Variants in NSDHL observed in about 807,000 individuals in gnomAD.
The protein encoded by NSDHL is NAD(P) dependent 3-beta-hydroxysteroid dehydrogenase NSDHL.
In NSDHL, 1 loss-of-function variant was observed where a neutral mutation model predicts 23.0. That is an observed-to-expected ratio of 0.04 (90% CI 0.02 to 0.21). The LOEUF (loss-of-function observed/expected upper bound fraction) is 0.21. Ranked by LOEUF, NSDHL falls within the 10% of genes least tolerant of loss-of-function variation. The pLI is 1.00. For synonymous variants in NSDHL, 128 were observed against 121.1 expected, an observed-to-expected ratio of 1.06 and a Z score of -0.37; for missense variants, 237 against 300.9, an observed-to-expected ratio of 0.79 and a Z score of 1.57.
At chrX:152,842,750 C>T (rs1556845060) in intron 1 of NSDHL, among the ~76,000 whole-genome samples, 1 of 112,197 alleles carries the variant, frequency 8.9e-6, no homozygotes, top group African/African-American at 3.2e-5. Flanking sequence ...GTTTCACCTG[C>T]CTCGGCCTCC....
At chrX:152,866,040 A>T in intron 6 of NSDHL, 79 bp downstream of exon 6, 1 of 1,061,350 alleles carries the variant, frequency 9.4e-7, no homozygotes, top group Non-Finnish European at 1.3e-6. Context: ...CAGGAGCCAC[A>T]TGGCATTGTA....
rs781939679 is a variant in NSDHL at position 152,867,555 on chromosome X, C to T, written c.687-16C>T. On this transcript the variant is annotated splice_polypyrimidine_tract_variant and intron_variant, in intron 6 of 7. Transcript: ENST00000370274. ...GGCTCCCAGCACGTATTCCATCATC[C>T]CTTGTGCACCTGCAGAAATGGGAAG... The T allele has an allele frequency of 3.6e-5, 41 of 1,137,859 alleles. No homozygotes were observed. In the Admixed American group the frequency reaches 6.8e-4, roughly 19 times the overall value. 93.8% of individuals were successfully genotyped at this position (1,137,859 alleles called of 1,213,427 possible). A position where few individuals can be genotyped will look rare whatever the true frequency, so the allele number is the denominator to read the frequency against.
chrX:152,860,570 A>C (rs1556847426), intron 4 of NSDHL, among the ~76,000 whole-genome samples: 1 of 111,249 alleles, frequency 9.0e-6, no homozygotes, highest in African/African-American at 3.3e-5. Flanking sequence ...TTTAAAAGCC[A>C]GGTGTGGTGG....
At chrX:152,865,787 A>G in intron 5 of NSDHL, 32 bp from the exon 6 acceptor site, 1 of 1,211,616 alleles carries the variant, frequency 8.3e-7, no homozygotes, top group Non-Finnish European at 1.1e-6. Flanking sequence ...GGAATTTGCA[A>G]TGGACGTGCC....
intron 1 of NSDHL, among the ~76,000 whole-genome samples, chrX:152,840,516 T>C (rs1933173240): frequency 8.9e-6 from 1 of 112,514 alleles, no homozygotes; most frequent in African/African-American, 3.2e-5. Flanking sequence ...TTGATGTTGA[T>C]GCTATTCCTT....
chrX:152,837,853 A>G (rs1178731641), intron 1 of NSDHL, among the ~76,000 whole-genome samples: 7 of 111,975 alleles, frequency 6.3e-5, no homozygotes, highest in Admixed American at 2.8e-4. Flanking sequence ...ATTGAGTGGA[A>G]TAGTTTCAGA....
Position 152,868,971 on chromosome X carries a change from C to A in NSDHL, c.977C>A (p.Pro326His). ...PVIQLQPTFTPMRVALAGTFH... is the reference protein window; with the variant it reads ...PVIQLQPTFTHMRVALAGTFH... Reference sequence around the variant, plus strand: ...ATCCAGCTGCAGCCCACCTTCACACCCATGCGGGTCGCACTGGCTGGCACA... The same window carrying A: ...ATCCAGCTGCAGCCCACCTTCACACACATGCGGGTCGCACTGGCTGGCACA... The change falls in exon 8 of 8, where the codon CCC (proline) becomes CAC (histidine). Residue 326 changes from proline to histidine, a missense_variant. By Grantham distance (77) the Pro-to-His change is moderately conservative (BLOSUM62 -2). Around this residue, in one of 3 missense-constraint regions of NSDHL, gnomAD observed 117 missense variants for 99.5 expected, o/e 1.18. Coordinates refer to ENST00000370274, the MANE Select transcript of NSDHL (RefSeq NM_015922.3). The A allele has an allele frequency of 1.7e-6, 2 of 1,211,933 alleles. No homozygotes were observed. Among genetic ancestry groups the A allele is most frequent in the Non-Finnish European group, 2.2e-6 (2 of 895,516 alleles).
chrX:152,836,307 T>C (rs1239528890), intron 1 of NSDHL, among the ~76,000 whole-genome samples: 8 of 112,428 alleles, frequency 7.1e-5, no homozygotes, highest in African/African-American at 1.3e-4. Flanking sequence ...TTTAGTTTAA[T>C]TACATCCCAT....
chrX:152,832,652 C>T (rs1253216129), intron 1 of NSDHL, among the ~76,000 whole-genome samples: 2 of 111,801 alleles, frequency 1.8e-5, no homozygotes, highest in East Asian at 5.6e-4. Context: ...CTTCCCAGTC[C>T]GTCAACCTGC....
In NSDHL at chrX:152,831,100, G is replaced by T; in HGVS notation, c.-61G>T. The T allele has an allele frequency of 3.3e-6, 1 of 304,394 alleles. No individual in the cohort carries two copies. Among genetic ancestry groups the T allele is most frequent in the Non-Finnish European group, 5.7e-6 (1 of 174,152 alleles). 25.1% of individuals were successfully genotyped at this position (304,394 alleles called of 1,213,427 possible). On this transcript the variant is annotated 5_prime_UTR_variant, in exon 1 of 8. Coordinates refer to ENST00000370274, the MANE Select transcript of NSDHL (RefSeq NM_015922.3). ...CTGCTTGCGAGCTGAGGCCAGACAG[G>T]GGGGCGCCTACGGACGGGTAAGAGT... is the stretch of plus-strand genomic sequence containing the variant.
At position 152,866,956 on chromosome X, in the gene NSDHL, C is replaced by T. The variant is rs144641885; in HGVS notation, c.687-615C>T. Among the ~76,000 whole-genome samples the T allele has an allele frequency of 6.8e-3, 764 of 111,558 alleles. 4 individuals carry two copies. The highest frequency in any genetic ancestry group is 0.023 in the Middle Eastern group (5 of 214). ...GACTCAGAGGGAAAGCAATGGGCCC[C>T]GGGTCAAAGGCCAGGGCTTGACTGT... On this transcript the variant is annotated intron_variant, in intron 6 of 7. Transcript: ENST00000370274.
At chrX:152,862,433 T>G in intron 4 of NSDHL, among the ~76,000 whole-genome samples, 163 bp from the exon 5 acceptor site, 1 of 112,924 alleles carries the variant, frequency 8.9e-6, no homozygotes, top group East Asian at 2.8e-4. Flanking sequence ...TGGATTATTT[T>G]AAGAAGGCAT....
At chrX:152,850,957 A>G (rs1933347431) in intron 3 of NSDHL, among the ~76,000 whole-genome samples, 1 of 111,625 alleles carries the variant, frequency 9.0e-6, no homozygotes, top group South Asian at 3.7e-4. Flanking sequence ...CCTGGCCGCC[A>G]CTCATCTACT....
intron 4 of NSDHL, among the ~76,000 whole-genome samples, chrX:152,859,419 A>G (rs1933493765): frequency 9.0e-6 from 1 of 111,233 alleles, no homozygotes; most frequent in African/African-American, 3.3e-5. Context: ...CTACCCTTCT[A>G]CTTTCTGTCT....
intron 4 of NSDHL, among the ~76,000 whole-genome samples, chrX:152,862,238 A>G (rs782629087): frequency 8.9e-6 from 1 of 112,416 alleles, no homozygotes; most frequent in East Asian, 2.8e-4. Flanking sequence ...GCTGCCCTTC[A>G]CTTACAACAG....
intron 3 of NSDHL, among the ~76,000 whole-genome samples, chrX:152,851,804 T>G (rs1243809877): frequency 9.0e-6 from 1 of 111,000 alleles, no homozygotes; most frequent in Non-Finnish European, 1.9e-5. Context: ...TGATTTCAGC[T>G]CCTTTCTGGC....
chrX:152,852,529 C>CTCA (rs59096789), intron 3 of NSDHL, among the ~76,000 whole-genome samples: 3 of 109,994 alleles, frequency 2.7e-5, no homozygotes, highest in African/African-American at 9.9e-5. Context: ...AACACCTACA[C>CTCA]TGTTTAATGG....
rs1783675350 is a variant in NSDHL, at chrX:152,862,486, G to A, written c.415-110G>A. 8 of 726,977 alleles carry A rather than the reference G, an allele frequency of 1.1e-5. 1 individual carries two copies. Among genetic ancestry groups the A allele is most frequent in the Admixed American group, 4.6e-5 (2 of 43,159 alleles). 59.9% of individuals were successfully genotyped at this position (726,977 alleles called of 1,213,427 possible). A position where few individuals can be genotyped will look rare whatever the true frequency, so the allele number is the denominator to read the frequency against. ...CAGCAAATAATTTCTTCAGTGCCTCGAATGCGAGGGCAACAAAGGGATGCC... is the reference window on the plus strand; with the variant it reads ...CAGCAAATAATTTCTTCAGTGCCTCAAATGCGAGGGCAACAAAGGGATGCC... On this transcript the variant is annotated intron_variant, in intron 4 of 7. Transcript: ENST00000370274.
intron 1 of NSDHL, among the ~76,000 whole-genome samples, chrX:152,832,681 A>C (rs1933032491): frequency 8.9e-6 from 1 of 111,905 alleles, no homozygotes; most frequent in Non-Finnish European, 1.9e-5. Context: ...AGCCTGACAG[A>C]GTACAAGGGA....
Sources: gnomAD v4.1 joint callset for allele counts (sites outside exome capture counted in the v4.1 genomes callset) on GRCh38, gnomAD v4.1.1 for gene constraint, gnomAD v4.1.1 regional missense constraint, MANE v1.5 for transcripts, NCBI Gene and HGNC (gene_info 2026-07-23, HGNC 2026-07-21) for gene names.